Variants in PLXNA4 observed in about 807,000 individuals in gnomAD.
The protein encoded by PLXNA4 is plexin-A4.
A neutral mutation model predicts 191.8 loss-of-function variants in PLXNA4; 44 were observed. That is an observed-to-expected ratio of 0.23 (90% CI 0.18 to 0.29). The LOEUF (loss-of-function observed/expected upper bound fraction) is 0.29, where lower values mean the gene tolerates loss of function less well. PLXNA4 is among the 10% of genes least tolerant of loss of function. PLXNA4 has a pLI of 1.00. For missense variants in PLXNA4, 1,800 were observed against 2,488.8 expected (o/e 0.72, Z 5.89); for synonymous variants, 1,082 against 1,009.5 (o/e 1.07, Z -1.36).
intron 4 of PLXNA4, among the ~76,000 whole-genome samples, chr7:132,254,701 C>A (rs182614231): frequency 6.6e-6 from 1 of 152,168 alleles, no homozygotes; most frequent in Admixed American, 6.5e-5. Context: ...CAGGAGCTGA[C>A]CCCACCGGAC....
intron 3 of PLXNA4, among the ~76,000 whole-genome samples, chr7:132,324,673 C>A (rs1012564312): frequency 6.6e-6 from 1 of 152,264 alleles, no homozygotes; most frequent in South Asian, 2.1e-4. Context: ...ATTAAAAAGG[C>A]TAAGCATTGG....
chr7:132,608,594 C>T (rs1223181764), intron 2 of PLXNA4, among the ~76,000 whole-genome samples: 1 of 152,060 alleles, frequency 6.6e-6, no homozygotes. Context: ...ACCCTGTGGC[C>T]AATTCATCAC....
rs1157786213 is a variant in PLXNA4, at chr7:132,469,910, G to A, written c.1371+19382C>T. 2.0e-5 allele frequency among the ~76,000 whole-genome samples: 3 copies of A among 152,196 alleles called. No homozygotes were observed. The East Asian group carries it at 5.8e-4, about 29-fold the overall frequency. ...TTTCCCTTGATCAGTAAACAACCAA[G>A]GTCGGTGGTGACTCCCCTTTGGGAG... On this transcript the variant is annotated intron_variant, in intron 3 of 31. Coordinates refer to ENST00000321063, the MANE Select transcript of PLXNA4 (RefSeq NM_020911.2).
chr7:132,579,878 G>T (rs372636602), upstream of PLXNA4, among the ~76,000 whole-genome samples: 8 of 152,028 alleles, frequency 5.3e-5, no homozygotes, highest in East Asian at 1.4e-3. Context: ...TGCAGTAGAG[G>T]ATTTTTTTTT....
chr7:132,482,519 G>A (rs186764581), intron 3 of PLXNA4, among the ~76,000 whole-genome samples: 42 of 152,164 alleles, frequency 2.8e-4, no homozygotes, highest in Admixed American at 1.2e-3. Flanking sequence ...ACCCTAAGCC[G>A]GAGGACCCAG....
At chr7:132,493,077 G>A (rs1481158060) in intron 2 of PLXNA4, among the ~76,000 whole-genome samples, 1 of 152,202 alleles carries the variant, frequency 6.6e-6, no homozygotes, top group African/African-American at 2.4e-5. Context: ...ACAGATGCCA[G>A]GGCTGCCTGG....
intron 16 of PLXNA4, 126 bp downstream of exon 16, chr7:132,185,173 G>T: frequency 1.5e-6 from 2 of 1,358,892 alleles, no homozygotes; most frequent in South Asian, 3.1e-5. Context: ...GGGGTGTTTG[G>T]AATCAATTCC....
At chr7:132,313,135 T>C (rs779598843) in intron 3 of PLXNA4, among the ~76,000 whole-genome samples, 2 of 152,192 alleles carry the variant, frequency 1.3e-5, no homozygotes, top group African/African-American at 2.4e-5. Context: ...TACCTCACTA[T>C]ACCTATGTCC....
intron 3 of PLXNA4, among the ~76,000 whole-genome samples, chr7:132,343,145 G>A (rs1245709296): frequency 1.3e-5 from 2 of 151,792 alleles, no homozygotes; most frequent in African/African-American, 4.8e-5. Flanking sequence ...ACTACAAAAG[G>A]AAGAAGGAAG....
chr7:132,508,466 G>T lies in PLXNA4; in HGVS notation c.228C>A (p.Ser76Arg), dbSNP rs78248128. The change falls in exon 2 of 32, where the codon AGC becomes AGA. Residue 76 changes from serine (S) to arginine (R), a missense_variant. Physicochemically the swap from Ser to Arg is moderately radical, Grantham distance 110 (BLOSUM62 -1). Coordinates refer to ENST00000321063, the MANE Select transcript of PLXNA4 (RefSeq NM_020911.2). The surrounding 1 kb of genome is among the most constrained non-coding windows in gnomAD (Gnocchi z 4.4). ...CATGCGTCACCAAGACCTTCAGGTC[G>T]CTGGAGAGCTTGTAAATCCGATTGA... is the stretch of plus-strand genomic sequence containing the variant. ...GAVNRIYKLSSDLKVLVTHET... is the reference protein window; with the variant it reads ...GAVNRIYKLSRDLKVLVTHET... The T allele has an allele frequency of 2.1e-5, 34 of 1,614,154 alleles. No homozygotes were observed. Among genetic ancestry groups the T allele is most frequent in the Non-Finnish European group, 2.8e-5 (33 of 1,180,046 alleles).
intron 2 of PLXNA4, among the ~76,000 whole-genome samples, chr7:132,608,108 TCAC>T (rs61062175): frequency 0.01 from 15 of 1,430 alleles, 1 homozygote; most frequent in African/African-American, 0.019. Flanking sequence ...ACTATCACCA[TCAC>T]CACCATCACT....
intron 2 of PLXNA4, among the ~76,000 whole-genome samples, chr7:132,628,726 C>G (rs1429172415): frequency 1.3e-5 from 2 of 152,058 alleles, no homozygotes; most frequent in Non-Finnish European, 2.9e-5. Context: ...AGAGTTATTT[C>G]TGTTCTCTTA....
At chr7:132,441,603 A>G (rs277493) in intron 3 of PLXNA4, among the ~76,000 whole-genome samples, 23 of 152,336 alleles carry the variant, frequency 1.5e-4, no homozygotes, top group Admixed American at 1.1e-3. Flanking sequence ...CACTAAGCTC[A>G]GTGTTTTTAG....
intron 7 of PLXNA4, 137 bp from the exon 8 acceptor site, chr7:132,226,397 C>T (rs1233641600): frequency 6.1e-6 from 4 of 657,002 alleles, no homozygotes; most frequent in Non-Finnish European, 1.1e-5. Flanking sequence ...ACTCAGCAGA[C>T]CCAGTCCCAG....
intron 4 of PLXNA4, among the ~76,000 whole-genome samples, chr7:132,281,487 G>C (rs1800476936): frequency 6.6e-6 from 1 of 152,148 alleles, no homozygotes; most frequent in African/African-American, 2.4e-5. Context: ...TAAGCAGGTA[G>C]AAGATTCTGT....
chr7:132,432,448 A>AT (rs1420260436), intron 3 of PLXNA4, among the ~76,000 whole-genome samples: 3 of 152,182 alleles, frequency 2.0e-5, no homozygotes, highest in African/African-American at 7.2e-5. Context: ...CAACCAGGCA[A>AT]TCATATTTTT....
chr7:132,212,954 C>T (rs538626229), intron 9 of PLXNA4, among the ~76,000 whole-genome samples: 1 of 152,316 alleles, frequency 6.6e-6, no homozygotes, highest in Admixed American at 6.5e-5. Context: ...ATCTGCACAC[C>T]CATGTTCACA....
At chr7:132,409,745 A>G (rs529865175) in intron 3 of PLXNA4, among the ~76,000 whole-genome samples, 3 of 152,168 alleles carry the variant, frequency 2.0e-5, no homozygotes, top group Non-Finnish European at 4.4e-5. Context: ...TCCAGCATGC[A>G]CCAGGATGGA....
At chr7:132,497,707 G>A (rs935690111) in intron 2 of PLXNA4, among the ~76,000 whole-genome samples, 2 of 152,060 alleles carry the variant, frequency 1.3e-5, no homozygotes, top group African/African-American at 4.8e-5. Context: ...CAGGACCCAC[G>A]CTGGCCCTAT....
Sources: gnomAD v4.1 joint callset for allele counts (sites outside exome capture counted in the v4.1 genomes callset) on GRCh38, gnomAD v4.1.1 for gene constraint, Gnocchi (gnomAD v3.1) non-coding constraint, MANE v1.5 for transcripts, NCBI Gene and HGNC (gene_info 2026-07-23, HGNC 2026-07-21) for gene names.